Variants in LRRC7 observed in about 807,000 individuals in gnomAD.
LRRC7 encodes the protein leucine rich repeat containing 7, also known as leucine-rich repeat-containing protein 7.
LRRC7 carries 23 observed loss-of-function variants against 175.7 expected under a neutral mutation model. The ratio of observed to expected loss-of-function variants is 0.13; its 90% CI spans 0.09 to 0.19. The LOEUF (loss-of-function observed/expected upper bound fraction) is 0.19, where lower values mean the gene tolerates loss of function less well. Among genes scored for constraint, LRRC7 ranks in the 10% least tolerant of loss-of-function variants. LRRC7 has a pLI of 1.00. For synonymous variants in LRRC7, 685 were observed against 680.9 expected, an observed-to-expected ratio of 1.01 and a Z score of -0.09; for missense variants, 1,354 against 1,904.7, an observed-to-expected ratio of 0.71 and a Z score of 5.38.
chr1:70,103,548 C>A (rs912653730), intron 25 of LRRC7, among the ~76,000 whole-genome samples: 14 of 152,084 alleles, frequency 9.2e-5, no homozygotes, highest in Admixed American at 7.9e-4. Context: ...ATGGATTCTC[C>A]CCCTGAAGAT....
At chr1:69,858,856 C>T (rs900836091) in intron 7 of LRRC7, among the ~76,000 whole-genome samples, 1 of 152,046 alleles carries the variant, frequency 6.6e-6, no homozygotes, top group Admixed American at 6.6e-5. Flanking sequence ...ATCTTGGTAA[C>T]CTCCTCAATG....
intron 1 of LRRC7, among the ~76,000 whole-genome samples, chr1:69,668,478 T>A (rs227097): frequency 0.15 from 22,298 of 152,252 alleles, 1,872 homozygotes; most frequent in South Asian, 0.2. Flanking sequence ...CATGAACTCA[T>A]CCCTTTTTAT....
chr1:69,915,266 C>T (rs180910437), intron 7 of LRRC7, among the ~76,000 whole-genome samples: 2 of 152,178 alleles, frequency 1.3e-5, no homozygotes, highest in Admixed American at 6.5e-5. Context: ...GGAGCGGAGG[C>T]GCAGAGCCTA....
intron 1 of LRRC7, among the ~76,000 whole-genome samples, chr1:69,671,258 T>C (rs993825360): frequency 2.6e-5 from 4 of 152,108 alleles, no homozygotes; most frequent in Admixed American, 1.3e-4. Context: ...GCATGTTCCC[T>C]TCTTGCCTAG....
At chr1:69,617,547 T>TAAAAAAAAAAAAAAAAAA (rs11473590) in intron 1 of LRRC7, among the ~76,000 whole-genome samples, 4 of 62,006 alleles carry the variant, frequency 6.5e-5, no homozygotes, top group Non-Finnish European at 8.9e-5. Flanking sequence ...ATACTCACAG[T>TAAAAAAAAAAAAAAAAAA]AAAAAAAAAA....
intron 1 of LRRC7, among the ~76,000 whole-genome samples, chr1:69,574,899 T>G (rs1645884295): frequency 6.6e-6 from 1 of 152,196 alleles, no homozygotes; most frequent in Admixed American, 6.5e-5. Flanking sequence ...TTATAAAAGC[T>G]ATTGTAATTA....
rs562438417 is a variant in LRRC7, at chr1:69,567,926, A to T, written c.-714A>T. On this transcript the variant is annotated 5_prime_UTR_variant, in exon 1 of 27. Coordinates refer to ENST00000651989, the MANE Select transcript of LRRC7 (RefSeq NM_001370785.2). ...ATGAGCGGCGCCTCCTCGCCTGCCA[A>T]TCCTGGCACCTGTGCGCCGAGCCAC... Among the ~76,000 whole-genome samples the T allele has an allele frequency of 5.7e-3, 863 of 151,750 alleles. 8 individuals are homozygous for T. Among genetic ancestry groups the T allele is most frequent in the African/African-American group, 0.019 (795 of 41,396 alleles).
intron 8 of LRRC7, among the ~76,000 whole-genome samples, chr1:69,975,919 T>C (rs543558964): frequency 6.6e-6 from 1 of 152,136 alleles, no homozygotes; most frequent in East Asian, 1.9e-4. Context: ...CCATCTTATC[T>C]ATCTTTAACC....
intron 22 of LRRC7, among the ~76,000 whole-genome samples, chr1:70,050,102 CAT>C (rs139398151): frequency 0.13 from 19,478 of 152,026 alleles, 1,709 homozygotes; most frequent in African/African-American, 0.24. Context: ...TGTGCACACA[CAT>C]GTTTATACAC....
At chr1:70,076,502 C>A (rs1028945948) in intron 24 of LRRC7, among the ~76,000 whole-genome samples, 1 of 151,922 alleles carries the variant, frequency 6.6e-6, no homozygotes, top group Non-Finnish European at 1.5e-5. Flanking sequence ...GGTAAAATAC[C>A]CATTTTACAA....
intron 3 of LRRC7, among the ~76,000 whole-genome samples, chr1:69,781,232 TC>T (rs900022619): frequency 3.9e-5 from 6 of 152,082 alleles, no homozygotes; most frequent in Admixed American, 2.0e-4. Context: ...CTTCTGTAAT[TC>T]TTCTGGGGCC....
intron 26 of LRRC7, 91 bp downstream of exon 26, chr1:70,107,917 G>T: frequency 8.6e-7 from 1 of 1,156,072 alleles, no homozygotes; most frequent in Non-Finnish European, 1.3e-6. Flanking sequence ...TTAAATGATT[G>T]AAAATAAGTC....
rs1210864382 is a variant in LRRC7 at position 70,133,194 on chromosome 1, A to G, written c.*11307A>G. Among the ~76,000 whole-genome samples, 1 of 151,916 alleles carries G rather than the reference A, an allele frequency of 6.6e-6. No individual in the cohort carries two copies. Among genetic ancestry groups the G allele is most frequent in the Non-Finnish European group, 1.5e-5 (1 of 67,980 alleles). On this transcript the variant is annotated 3_prime_UTR_variant, in exon 27 of 27. Transcript: ENST00000651989. The stretch of plus-strand genomic sequence containing the variant: ...GCAATTCTCTGGCTTGGGGGAGCAC[A>G]GTCCGATTTTTGTTGTTGTCGTGGG...
At chr1:69,942,759 A>G (rs1242324373) in intron 8 of LRRC7, among the ~76,000 whole-genome samples, 1 of 152,022 alleles carries the variant, frequency 6.6e-6, no homozygotes, top group African/African-American at 2.4e-5. Flanking sequence ...CCATCTCAAG[A>G]TCCCTAAATT....
At chr1:69,591,476 G>A (rs1421278989) in intron 1 of LRRC7, among the ~76,000 whole-genome samples, 1 of 151,958 alleles carries the variant, frequency 6.6e-6, no homozygotes, top group Non-Finnish European at 1.5e-5. Context: ...CACATACTTT[G>A]AAGGAAGGCC....
At chr1:69,812,972 T>C (rs111934679) in intron 4 of LRRC7, among the ~76,000 whole-genome samples, 3,109 of 152,162 alleles carry the variant, frequency 0.02, 123 homozygotes, top group African/African-American at 0.067. Flanking sequence ...TTCCTAGCAT[T>C]AACTTAGGTA....
intron 11 of LRRC7, among the ~76,000 whole-genome samples, chr1:70,005,939 A>G (rs972934528): frequency 7.9e-5 from 12 of 152,244 alleles, no homozygotes; most frequent in Non-Finnish European, 1.6e-4. Flanking sequence ...TTTACTTTCC[A>G]CAATTATAAA....
At chr1:69,642,975 C>A (rs1654460687) in intron 1 of LRRC7, among the ~76,000 whole-genome samples, 1 of 152,002 alleles carries the variant, frequency 6.6e-6, no homozygotes, top group African/African-American at 2.4e-5. Flanking sequence ...GAGGTGTAAT[C>A]CAGTCTGAAT....
intron 4 of LRRC7, among the ~76,000 whole-genome samples, chr1:69,816,383 G>A (rs371505413): frequency 2.2e-4 from 33 of 152,136 alleles, no homozygotes; most frequent in African/African-American, 8.0e-4. Flanking sequence ...ATCACCTTGG[G>A]TGTTAGGATT....
Sources: gnomAD v4.1 joint callset for allele counts (sites outside exome capture counted in the v4.1 genomes callset) on GRCh38, gnomAD v4.1.1 for gene constraint, MANE v1.5 for transcripts, NCBI Gene and HGNC (gene_info 2026-07-23, HGNC 2026-07-21) for gene names.